The following GPC6 variants were observed in gnomAD, a reference collection of about 807,000 sequenced individuals.
GPC6 encodes the protein glypican 6, also known as glypican-6.
In GPC6, 14 loss-of-function variants were observed where a neutral mutation model predicts 55.2. The observed-to-expected ratio is 0.25, with a 90% CI of 0.17 to 0.40. The LOEUF (loss-of-function observed/expected upper bound fraction) is 0.40. Ranked by LOEUF, GPC6 falls within the 10% of genes least tolerant of loss-of-function variation. The pLI is 1.00. For missense variants in GPC6, 641 were observed against 708.5 expected (o/e 0.90, Z 1.08); for synonymous variants, 278 against 259.6 (o/e 1.07, Z -0.68).
chr13:94,205,854 A>C (rs2138982006), intron 4 of GPC6, among the ~76,000 whole-genome samples: 1 of 152,314 alleles, frequency 6.6e-6, no homozygotes, highest in African/African-American at 2.4e-5. Context: ...GCTAAACTAA[A>C]CCATGAGTTA....
At chr13:94,334,168 C>A (rs1877562935) in intron 6 of GPC6, among the ~76,000 whole-genome samples, 1 of 152,156 alleles carries the variant, frequency 6.6e-6, no homozygotes, top group African/African-American at 2.4e-5. Flanking sequence ...ACTTTGCAAC[C>A]CAGTGGTCTC....
At chr13:93,755,039 C>T (rs894241217) in intron 2 of GPC6, among the ~76,000 whole-genome samples, 1 of 152,150 alleles carries the variant, frequency 6.6e-6, no homozygotes, top group Admixed American at 6.6e-5. Flanking sequence ...TGATAAAATA[C>T]AGACTCATAT....
chr13:93,987,922 A>T (rs1244553961), intron 3 of GPC6, among the ~76,000 whole-genome samples: 1 of 152,158 alleles, frequency 6.6e-6, no homozygotes, highest in Non-Finnish European at 1.5e-5. Context: ...TCATCTACAA[A>T]GGGTCAACTG....
At chr13:94,203,414 G>A (rs74105746) in intron 4 of GPC6, among the ~76,000 whole-genome samples, 1,867 of 152,096 alleles carry the variant, frequency 0.012, 35 homozygotes, top group African/African-American at 0.043. Context: ...GGAAAGCAAT[G>A]AGAAGCTTTA....
chr13:93,867,501 A>G (rs555829310), intron 3 of GPC6, among the ~76,000 whole-genome samples: 2 of 151,892 alleles, frequency 1.3e-5, no homozygotes, highest in South Asian at 4.1e-4. Flanking sequence ...AAAAGAGTAA[A>G]TTAGAATGAT....
At chr13:93,305,245 T>G (rs1878817653) in intron 1 of GPC6, among the ~76,000 whole-genome samples, 1 of 151,414 alleles carries the variant, frequency 6.6e-6, no homozygotes, top group Non-Finnish European at 1.5e-5. Context: ...CAGGCAGTCG[T>G]TTTTTTTGTG....
intron 1 of GPC6, among the ~76,000 whole-genome samples, chr13:93,244,684 G>C (rs1398948321): frequency 6.6e-6 from 1 of 152,208 alleles, no homozygotes; most frequent in African/African-American, 2.4e-5. Flanking sequence ...GCTCCCCAGT[G>C]GGAATGTGTA....
intron 4 of GPC6, among the ~76,000 whole-genome samples, chr13:94,032,442 G>T (rs758100961): frequency 6.6e-6 from 1 of 152,134 alleles, no homozygotes; most frequent in Non-Finnish European, 1.5e-5. Flanking sequence ...AAACATAATT[G>T]ATGTTAAATA....
chr13:94,105,942 G>C (rs930689670), intron 4 of GPC6, among the ~76,000 whole-genome samples: 1 of 150,618 alleles, frequency 6.6e-6, no homozygotes, highest in Non-Finnish European at 1.5e-5. Flanking sequence ...GAGTTATCCA[G>C]CTATCCTACA....
At chr13:93,516,168 A>G (rs919379884) in intron 1 of GPC6, among the ~76,000 whole-genome samples, 6 of 152,196 alleles carry the variant, frequency 3.9e-5, no homozygotes, top group Non-Finnish European at 8.8e-5. Flanking sequence ...TAGCTAGCCC[A>G]TCAGTAAAAA....
intron 3 of GPC6, among the ~76,000 whole-genome samples, chr13:93,914,914 C>T (rs1264095348): frequency 6.6e-6 from 1 of 152,192 alleles, no homozygotes; most frequent in East Asian, 1.9e-4. Flanking sequence ...TTTCAAGACG[C>T]TTTTTCACCA....
rs550328954 is a variant in GPC6, at chr13:93,969,202, T to C, written c.712-58527T>C. On this transcript the variant is annotated intron_variant, in intron 3 of 8. Transcript: ENST00000377047. ...CTTAGTAGTTTAAAAGGGATTGATATCAACTGTGGTTTGATACTGATTGTA... is the reference window on the plus strand; with the variant it reads ...CTTAGTAGTTTAAAAGGGATTGATACCAACTGTGGTTTGATACTGATTGTA... Among the ~76,000 whole-genome samples the C allele has an allele frequency of 9.4e-4, 143 of 152,308 alleles. 1 individual carries two copies. Among genetic ancestry groups the C allele is most frequent in the African/African-American group, 3.4e-3 (141 of 41,562 alleles).
chr13:93,829,957 G>C lies in GPC6; in HGVS notation c.320-197G>C, dbSNP rs184661391. On this transcript the variant is annotated intron_variant, in intron 2 of 8. Coordinates refer to ENST00000377047, the MANE Select transcript of GPC6 (RefSeq NM_005708.5). Reference sequence around the variant, plus strand: ...GTTAATGGAAATCATGGGGTATTCTGTTTTGAGTTGTACAAGGTCATAGAT... The same window carrying C: ...GTTAATGGAAATCATGGGGTATTCTCTTTTGAGTTGTACAAGGTCATAGAT... Among the ~76,000 whole-genome samples, 5 of 152,264 alleles carry C rather than the reference G, an allele frequency of 3.3e-5. No individual in the cohort carries two copies. In the East Asian group the frequency reaches 9.6e-4, roughly 29 times the overall value.
intron 4 of GPC6, among the ~76,000 whole-genome samples, chr13:94,106,455 G>A (rs1200295248): frequency 6.6e-6 from 1 of 152,004 alleles, no homozygotes; most frequent in South Asian, 2.1e-4. Flanking sequence ...AAGGTGGAAG[G>A]GTTATTTTGT....
chr13:93,755,032 T>C (rs1304275076), intron 2 of GPC6, among the ~76,000 whole-genome samples: 3 of 152,218 alleles, frequency 2.0e-5, no homozygotes, highest in African/African-American at 7.2e-5. Context: ...TTACAATTGA[T>C]AAAATACAGA....
chr13:94,010,524 T>C (rs1020422448), intron 3 of GPC6, among the ~76,000 whole-genome samples: 1 of 152,172 alleles, frequency 6.6e-6, no homozygotes, highest in East Asian at 1.9e-4. Flanking sequence ...ACCAAAGGAC[T>C]CTACGTATGT....
intron 1 of GPC6, among the ~76,000 whole-genome samples, chr13:93,324,382 G>A (rs1282133943): frequency 6.6e-6 from 1 of 151,456 alleles, no homozygotes; most frequent in African/African-American, 2.4e-5. Flanking sequence ...AGTAAAATAG[G>A]GAGACTATAG....
At chr13:93,456,727 A>G (rs1329055272) in intron 1 of GPC6, among the ~76,000 whole-genome samples, 2 of 152,140 alleles carry the variant, frequency 1.3e-5, no homozygotes, top group Admixed American at 6.5e-5. Context: ...TAAGGGTGTC[A>G]GCAGGGTTCC....
intron 1 of GPC6, among the ~76,000 whole-genome samples, chr13:93,237,807 A>G (rs796783086): frequency 5.9e-5 from 9 of 152,248 alleles, no homozygotes; most frequent in African/African-American, 2.2e-4. Context: ...TCTCAGGACC[A>G]TTTGTTGAAT....
Sources: gnomAD v4.1 joint callset for allele counts (sites outside exome capture counted in the v4.1 genomes callset) on GRCh38, gnomAD v4.1.1 for gene constraint, MANE v1.5 for transcripts, NCBI Gene and HGNC (gene_info 2026-07-23, HGNC 2026-07-21) for gene names.